Variants in CSMD1 observed in about 807,000 individuals in gnomAD.
CSMD1 encodes CUB and sushi domain-containing protein 1.
CSMD1 carries 213 observed loss-of-function variants against 417.5 expected under a neutral mutation model. That is an observed-to-expected ratio of 0.51 (90% CI 0.46 to 0.57). The LOEUF is 0.57. CSMD1 is among the 20% of genes least tolerant of loss of function. CSMD1 has a pLI of 0.00. For synonymous variants in CSMD1, 2,862 were observed against 1,736.8 expected (o/e 1.65, Z -16.11); for missense variants, 6,923 against 4,529.7 (o/e 1.53, Z -15.17).
chr8:3,346,035 G>A (rs1807967695), intron 22 of CSMD1, among the ~76,000 whole-genome samples: 1 of 152,118 alleles, frequency 6.6e-6, no homozygotes, highest in Non-Finnish European at 1.5e-5. Context: ...ATCACAGTAT[G>A]TGCGAAGGAT....
chr8:4,395,540 G>A (rs1441192267), intron 3 of CSMD1, among the ~76,000 whole-genome samples: 3 of 147,942 alleles, frequency 2.0e-5, no homozygotes, highest in Admixed American at 6.7e-5. Context: ...TTTTTTTTTT[G>A]CCTGTCGTGG....
chr8:4,301,898 G>A (rs1024519095), intron 3 of CSMD1, among the ~76,000 whole-genome samples: 4 of 151,986 alleles, frequency 2.6e-5, no homozygotes, highest in African/African-American at 9.7e-5. Context: ...CTCACTTCAA[G>A]TTTATTAGAA....
At chr8:3,098,257 T>C (rs1275709534) in intron 46 of CSMD1, among the ~76,000 whole-genome samples, 2 of 152,246 alleles carry the variant, frequency 1.3e-5, no homozygotes, top group Non-Finnish European at 1.5e-5. Flanking sequence ...AATTTATTTA[T>C]TGAGTTATCG....
At chr8:4,600,974 G>C (rs1210667951) in intron 2 of CSMD1, among the ~76,000 whole-genome samples, 2 of 46,094 alleles carry the variant, frequency 4.3e-5, no homozygotes, top group Non-Finnish European at 9.9e-5. Flanking sequence ...TTTTTTTTTT[G>C]AGATGAAGTT....
At chr8:4,875,416 G>C (rs1028737778) in intron 1 of CSMD1, among the ~76,000 whole-genome samples, 1 of 152,010 alleles carries the variant, frequency 6.6e-6, no homozygotes, top group South Asian at 2.1e-4. Flanking sequence ...TGTTAAACAG[G>C]GGAGGGAGTT....
At chr8:4,273,823 C>T (rs1019439301) in intron 3 of CSMD1, among the ~76,000 whole-genome samples, 1 of 152,130 alleles carries the variant, frequency 6.6e-6, no homozygotes, top group African/African-American at 2.4e-5. Flanking sequence ...CTGGTCACTT[C>T]TCCAAATGGT....
chr8:4,689,747 C>G (rs1483617214), intron 1 of CSMD1, among the ~76,000 whole-genome samples: 2 of 152,100 alleles, frequency 1.3e-5, no homozygotes, highest in Non-Finnish European at 2.9e-5. Flanking sequence ...ATTTCTGTAC[C>G]TGATGACCTC....
intron 7 of CSMD1, among the ~76,000 whole-genome samples, chr8:3,625,903 C>G (rs979594941): frequency 1.2e-4 from 19 of 152,124 alleles, no homozygotes; most frequent in Non-Finnish European, 1.2e-4. Context: ...ACTGATATAT[C>G]ACGGTAGCAG....
chr8:3,953,141 T>C (rs1811701147), intron 5 of CSMD1, among the ~76,000 whole-genome samples: 2 of 151,780 alleles, frequency 1.3e-5, no homozygotes, highest in African/African-American at 4.8e-5. Flanking sequence ...CCCTAAAAAA[T>C]ACCATTTATA....
At chr8:4,091,147 G>A (rs980453827) in intron 3 of CSMD1, among the ~76,000 whole-genome samples, 2 of 152,020 alleles carry the variant, frequency 1.3e-5, no homozygotes, top group Non-Finnish European at 2.9e-5. Flanking sequence ...TCGAATTCCT[G>A]ACCTCAAGTG....
At chr8:4,894,301 T>C (rs554607631) in intron 1 of CSMD1, among the ~76,000 whole-genome samples, 2 of 152,232 alleles carry the variant, frequency 1.3e-5, no homozygotes, top group African/African-American at 4.8e-5. Flanking sequence ...ATTGAATTTA[T>C]ATACATTTTT....
intron 42 of CSMD1, among the ~76,000 whole-genome samples, chr8:3,117,763 G>C (rs1049374279): frequency 3.3e-5 from 5 of 152,142 alleles, no homozygotes; most frequent in African/African-American, 1.2e-4. Flanking sequence ...ACCATCAAAC[G>C]AGAACTTGCC....
chr8:3,006,752 C>G (rs1807940608), intron 52 of CSMD1, among the ~76,000 whole-genome samples: 3 of 151,780 alleles, frequency 2.0e-5, no homozygotes, highest in Non-Finnish European at 4.4e-5. Context: ...CCCTTCCTTA[C>G]AGCTTACACA....
intron 3 of CSMD1, among the ~76,000 whole-genome samples, chr8:4,259,022 G>C (rs1158989846): frequency 6.6e-6 from 1 of 152,182 alleles, no homozygotes; most frequent in Non-Finnish European, 1.5e-5. Context: ...TGTTGGAAAT[G>C]TTGAACTTTA....
At chr8:3,967,874 T>C (rs958264767) in intron 5 of CSMD1, among the ~76,000 whole-genome samples, 1 of 151,904 alleles carries the variant, frequency 6.6e-6, no homozygotes, top group African/African-American at 2.4e-5. Flanking sequence ...CGCTTAAGAA[T>C]GTGCCACAAT....
At chr8:4,027,498 A>G (rs535534890) in intron 4 of CSMD1, among the ~76,000 whole-genome samples, 1 of 152,174 alleles carries the variant, frequency 6.6e-6, no homozygotes, top group South Asian at 2.1e-4. Flanking sequence ...ATGGCTTTAT[A>G]AGGGTCTTTC....
At chr8:3,158,788 G>C (rs946040358) in intron 38 of CSMD1, among the ~76,000 whole-genome samples, 8 of 151,900 alleles carry the variant, frequency 5.3e-5, no homozygotes, top group Non-Finnish European at 1.2e-4. Context: ...TTATCAGCCA[G>C]GTTTGCTTAT....
chr8:4,373,767 C>T (rs1471617998), intron 3 of CSMD1, among the ~76,000 whole-genome samples: 2 of 152,196 alleles, frequency 1.3e-5, no homozygotes, highest in Non-Finnish European at 2.9e-5. Flanking sequence ...CAGGTTCTCC[C>T]TGGGGCACTT....
chr8:3,559,798 G>T (rs781671742), intron 10 of CSMD1, among the ~76,000 whole-genome samples: 45 of 152,232 alleles, frequency 3.0e-4, no homozygotes, highest in Non-Finnish European at 5.3e-4. Flanking sequence ...GGAGAGTGAG[G>T]AGAGACAAAC....
Sources: gnomAD v4.1 joint callset for allele counts (sites outside exome capture counted in the v4.1 genomes callset) on GRCh38, gnomAD v4.1.1 for gene constraint, MANE v1.5 for transcripts, NCBI Gene and HGNC (gene_info 2026-07-23, HGNC 2026-07-21) for gene names.